Variants in LHPP observed in about 807,000 individuals in gnomAD.
LHPP encodes phospholysine phosphohistidine inorganic pyrophosphate phosphatase.
In LHPP, 24 loss-of-function variants were observed where a neutral mutation model predicts 30.3. The ratio of observed to expected loss-of-function variants is 0.79; its 90% CI spans 0.57 to 1.11. The LOEUF (loss-of-function observed/expected upper bound fraction) is 1.11, where lower values mean the gene tolerates loss of function less well. Ranked by LOEUF, LHPP falls within the 50% of genes most tolerant of loss-of-function variation. LHPP has a pLI of 0.00. For synonymous variants in LHPP, 150 were observed against 157.1 expected, an observed-to-expected ratio of 0.95 and a Z score of 0.34; for missense variants, 356 against 367.2, an observed-to-expected ratio of 0.97 and a Z score of 0.25.
chr10:124,579,380 C>T (rs2133989791), intron 6 of LHPP, among the ~76,000 whole-genome samples: 1 of 152,358 alleles, frequency 6.6e-6, no homozygotes, highest in Middle Eastern at 3.4e-3. Flanking sequence ...TACATAGCAC[C>T]TATTCATTCT....
At chr10:124,534,052 G>A (rs1374642396) in intron 6 of LHPP, among the ~76,000 whole-genome samples, 7 of 142,358 alleles carry the variant, frequency 4.9e-5, no homozygotes, top group Admixed American at 4.9e-4. Flanking sequence ...GATGCAGGGG[G>A]CCTGGGGTGG....
At chr10:124,508,046 C>G (rs1166839480) in intron 5 of LHPP, among the ~76,000 whole-genome samples, 1 of 151,946 alleles carries the variant, frequency 6.6e-6, no homozygotes, top group Non-Finnish European at 1.5e-5. Flanking sequence ...AGGTGCCCTA[C>G]CATTTCGTTC....
chr10:124,527,954 A>G (rs1954787986), intron 6 of LHPP, among the ~76,000 whole-genome samples: 2 of 151,918 alleles, frequency 1.3e-5, no homozygotes, highest in Admixed American at 1.3e-4. Flanking sequence ...TAATTTTTAA[A>G]TTTTTTATAA....
At position 124,484,302 on chromosome 10, in the gene LHPP, C is replaced by G. The variant is rs758033434; in HGVS notation, c.289C>G (p.Arg97Gly). 6.2e-7 allele frequency: 1 copy of G among 1,613,462 alleles called. No homozygotes were observed. Among genetic ancestry groups the G allele is most frequent in the Non-Finnish European group, 8.5e-7 (1 of 1,179,600 alleles). Residue 97 changes from arginine to glycine, a missense_variant, in exon 2 of 7, where the codon CGA becomes GGA. Physicochemically the swap from Arg to Gly is moderately radical, Grantham distance 125. Transcript: ENST00000368842. ...CCAGATCCTGAAGGAGCAAGGCCTG[C>G]GACCATACCTGCTCATCCATGACGG... is the stretch of plus-strand genomic sequence containing the variant. ...ACQILKEQGL[R>G]PYLLIHDGVR...
chr10:124,532,046 C>T (rs1396086140), intron 6 of LHPP, among the ~76,000 whole-genome samples: 4 of 152,180 alleles, frequency 2.6e-5, no homozygotes, highest in East Asian at 1.9e-4. Context: ...GTCTGTTAAC[C>T]GTCATCACTG....
chr10:124,494,025 GT>G (rs1347006929), intron 3 of LHPP: 1 of 152,128 alleles, frequency 6.6e-6, no homozygotes, highest in African/African-American at 2.4e-5. Flanking sequence ...AAACGTTAAA[GT>G]TTCTCATTTT....
rs377052360 is a variant in LHPP at position 124,495,729 on chromosome 10, TGCTTGTG to T, written c.468-1231_468-1225del. Among the ~76,000 whole-genome samples the T allele has an allele frequency of 5.4e-3, 820 of 152,328 alleles. 6 individuals are homozygous for T. The highest frequency in any genetic ancestry group is 0.019 in the African/African-American group (794 of 41,578). On this transcript the variant is annotated intron_variant, in intron 3 of 6. Transcript: ENST00000368842. ...TTTTCCTTCCCCCAGCTCATCTTAT[TGCTTGTG>T]TCAGCCTGGGTGAAAGGTTATTTAT...
chr10:124,605,223 G>A (rs1949076005), intron 6 of LHPP: 1 of 152,324 alleles, frequency 6.6e-6, no homozygotes, highest in South Asian at 2.1e-4. Flanking sequence ...AGCATGAGGG[G>A]GAGGAATCAC....
chr10:124,609,536 G>A (rs188679312), intron 6 of LHPP, among the ~76,000 whole-genome samples: 8 of 152,320 alleles, frequency 5.3e-5, no homozygotes, highest in African/African-American at 1.4e-4. Flanking sequence ...GAGCTACCAC[G>A]CCCGGCCCAT....
At chr10:124,498,950 C>T (rs1465258148) in intron 5 of LHPP, among the ~76,000 whole-genome samples, 6 of 150,148 alleles carry the variant, frequency 4.0e-5, no homozygotes, top group Non-Finnish European at 7.4e-5. Context: ...GGCGCTGTCT[C>T]GGCTCACTGC....
intron 5 of LHPP, among the ~76,000 whole-genome samples, chr10:124,509,257 A>C (rs1954241332): frequency 6.6e-6 from 1 of 152,032 alleles, no homozygotes; most frequent in African/African-American, 2.4e-5. Flanking sequence ...ACTTTAACGA[A>C]GCAGTTTTCA....
intron 6 of LHPP, among the ~76,000 whole-genome samples, chr10:124,611,949 C>G (rs1015243064): frequency 2.0e-5 from 3 of 152,178 alleles, no homozygotes; most frequent in Non-Finnish European, 4.4e-5. Flanking sequence ...ACATGTCCCT[C>G]GGTAGTGGTA....
rs936622404 is a variant in LHPP, at chr10:124,541,156, G to A, written c.716+23885G>A. 2.0e-5 allele frequency among the ~76,000 whole-genome samples: 3 copies of A among 152,308 alleles called. No individual in the cohort carries two copies. Among genetic ancestry groups the A allele is most frequent in the South Asian group, 2.1e-4 (1 of 4,830 alleles). ...GCAGTGTGCCTGAGTCCTGGAGTGC[G>A]ATGTATTCTGAGCCACCCAGAATGG... On this transcript the variant is annotated intron_variant, in intron 6 of 6. Transcript: ENST00000368842. This position sits in a 1 kb window ranked among gnomAD's most constrained non-coding sequence, Gnocchi z 4.2.
At chr10:124,553,238 G>T (rs1948211264) in intron 6 of LHPP, among the ~76,000 whole-genome samples, 1 of 152,176 alleles carries the variant, frequency 6.6e-6, no homozygotes, top group Non-Finnish European at 1.5e-5. Flanking sequence ...AATAGACTCA[G>T]CCTGACAAAG....
chr10:124,567,511 A>C (rs1020421919), intron 6 of LHPP, among the ~76,000 whole-genome samples: 1 of 152,190 alleles, frequency 6.6e-6, no homozygotes, highest in Non-Finnish European at 1.5e-5. Flanking sequence ...AGCAATGTTT[A>C]ATAGATAGTA....
chr10:124,589,178 G>A (rs1460471049), intron 6 of LHPP, among the ~76,000 whole-genome samples: 3 of 152,250 alleles, frequency 2.0e-5, no homozygotes, highest in South Asian at 2.1e-4. Context: ...GGGACAGTCC[G>A]TGCAGAAATG....
rs1448897222 is a variant in LHPP at position 124,488,475 on chromosome 10, A to G, written c.367A>G (p.Ile123Val). The G allele has an allele frequency of 6.2e-7, 1 of 1,614,050 alleles. No homozygotes were observed. The highest frequency in any genetic ancestry group is 8.5e-7 in the Non-Finnish European group (1 of 1,179,978). Residue 123 changes from isoleucine (I) to valine (V), a missense_variant, in exon 3 of 7, where the codon ATT becomes GTT. By Grantham distance (29) the Ile-to-Val change is conservative (BLOSUM62 3). Coordinates refer to ENST00000368842, the MANE Select transcript of LHPP (RefSeq NM_022126.4). ...IDTSNPNCVV[I>V]ADAGESFSYQ... ...CACATCCAACCCAAACTGTGTGGTA[A>G]TTGCAGACGCAGGAGAAAGCTTTTC...
chr10:124,512,685 T>C (rs1479882670), intron 5 of LHPP, among the ~76,000 whole-genome samples: 16 of 149,452 alleles, frequency 1.1e-4, no homozygotes, highest in Admixed American at 6.7e-5. Context: ...GGTGCTTCAC[T>C]AAGATGATTT....
chr10:124,540,487 G>A (rs112003829), intron 6 of LHPP, among the ~76,000 whole-genome samples: 25 of 152,296 alleles, frequency 1.6e-4, no homozygotes, highest in Middle Eastern at 3.4e-3. Context: ...CCCTTTCCCC[G>A]AGCGCCCTTC....
Sources: allele counts gnomAD v4.1 joint callset (sites outside exome capture counted in the v4.1 genomes callset), GRCh38; gene constraint gnomAD v4.1.1; non-coding constraint Gnocchi (gnomAD v3.1); transcripts MANE v1.5; gene names NCBI Gene and HGNC (gene_info 2026-07-23, HGNC 2026-07-21).